The following CAMK1D variants were observed in gnomAD, a reference collection of about 807,000 sequenced individuals.
CAMK1D encodes calcium/calmodulin-dependent protein kinase type 1D.
In CAMK1D, 9 loss-of-function variants were observed where a neutral mutation model predicts 47.7. That is an observed-to-expected ratio of 0.19 (90% CI 0.11 to 0.33). CAMK1D has a LOEUF of 0.33. CAMK1D is among the 10% of genes least tolerant of loss of function. The pLI is 1.00. For missense variants in CAMK1D, 291 were observed against 488.7 expected (o/e 0.60, Z 3.81); for synonymous variants, 184 against 184.9 (o/e 0.99, Z 0.04).
intron 1 of CAMK1D, among the ~76,000 whole-genome samples, chr10:12,520,868 A>C (rs1189774351): frequency 1.7e-5 from 1 of 58,886 alleles, no homozygotes; most frequent in Non-Finnish European, 3.3e-5. Context: ...CAGTGAGCCG[A>C]GATGGCAGCA....
At chr10:12,417,408 G>C (rs887264271) in intron 1 of CAMK1D, among the ~76,000 whole-genome samples, 4 of 152,218 alleles carry the variant, frequency 2.6e-5, no homozygotes, top group African/African-American at 7.2e-5. Flanking sequence ...CTGTGCCAGA[G>C]AAAACAGGTT....
rs185120648 is a variant in CAMK1D at position 12,834,771 on chromosome 10, T to C, written c.*5884T>C. ...GCAGGGGCTCAGAAACCCCAAACTC[T>C]AGTTAAATTGCTTCTCGGAGGAAAA... On this transcript the variant is annotated 3_prime_UTR_variant, in exon 11 of 11. Transcript: ENST00000619168. 8.5e-5 allele frequency: 13 copies of C among 152,322 alleles called. No homozygotes were observed. Among genetic ancestry groups the C allele is most frequent in the African/African-American group, 3.1e-4 (13 of 41,568 alleles). 9.4% of individuals were successfully genotyped at this position (152,322 alleles called of 1,614,324 possible).
intron 3 of CAMK1D, among the ~76,000 whole-genome samples, chr10:12,736,656 C>A (rs1175569891): frequency 2.0e-5 from 3 of 152,168 alleles, no homozygotes; most frequent in Admixed American, 2.0e-4. Context: ...TATGCATTTA[C>A]TGGGATATGT....
At chr10:12,820,171 C>T (rs918132278) in intron 8 of CAMK1D, among the ~76,000 whole-genome samples, 1 of 152,198 alleles carries the variant, frequency 6.6e-6, no homozygotes, top group Non-Finnish European at 1.5e-5. Context: ...TCCCAAGTAG[C>T]TGGGATTGCA....
chr10:12,428,769 G>C (rs1840339536), intron 1 of CAMK1D, among the ~76,000 whole-genome samples: 1 of 152,202 alleles, frequency 6.6e-6, no homozygotes, highest in African/African-American at 2.4e-5. Flanking sequence ...GACGGTGTTA[G>C]GAAGTGGGGC....
intron 1 of CAMK1D, 49 bp from the exon 2 acceptor site, chr10:12,553,176 A>G: frequency 6.2e-7 from 1 of 1,611,316 alleles, no homozygotes; most frequent in East Asian, 2.2e-5. Context: ...AGCCATTGTG[A>G]AACTGGACTT....
intron 1 of CAMK1D, among the ~76,000 whole-genome samples, chr10:12,484,429 C>T (rs1247961825): frequency 3.9e-5 from 6 of 152,224 alleles, no homozygotes; most frequent in African/African-American, 1.4e-4. Flanking sequence ...ACAGGGATCA[C>T]ACAATCGTTC....
intron 2 of CAMK1D, among the ~76,000 whole-genome samples, chr10:12,626,900 G>A (rs1039893145): frequency 2.0e-5 from 3 of 152,154 alleles, no homozygotes; most frequent in South Asian, 2.1e-4. Flanking sequence ...ACAGACACAC[G>A]CAAATACGTG....
At chr10:12,380,933 T>A (rs886252811) in intron 1 of CAMK1D, among the ~76,000 whole-genome samples, 1 of 152,210 alleles carries the variant, frequency 6.6e-6, no homozygotes, top group African/African-American at 2.4e-5. Context: ...AATGATATAA[T>A]TGGCCTAGTC....
chr10:12,796,217 C>G (rs1249160230), intron 6 of CAMK1D, among the ~76,000 whole-genome samples: 1 of 152,148 alleles, frequency 6.6e-6, no homozygotes, highest in East Asian at 1.9e-4. Flanking sequence ...GATTCCCACT[C>G]CCAAATTGGA....
At chr10:12,683,897 A>G (rs922131105) in intron 3 of CAMK1D, among the ~76,000 whole-genome samples, 2 of 152,130 alleles carry the variant, frequency 1.3e-5, no homozygotes, top group Non-Finnish European at 2.9e-5. Context: ...AATGAGACTG[A>G]AAACATTTCA....
intron 1 of CAMK1D, among the ~76,000 whole-genome samples, chr10:12,528,778 G>A (rs943295306): frequency 8.0e-6 from 1 of 124,376 alleles, no homozygotes; most frequent in African/African-American, 3.0e-5. Context: ...GTTCCTTTCT[G>A]TCACCCCGGC....
rs544187423 is a variant in CAMK1D, at chr10:12,557,653, C to T, written c.224+4297C>T. ...CCAAATAGACTGCCTTAAATTCCAACGTCTTTGTTGATTTCCACACTATTT... is the reference window on the plus strand; with the variant it reads ...CCAAATAGACTGCCTTAAATTCCAATGTCTTTGTTGATTTCCACACTATTT... On this transcript the variant is annotated intron_variant, in intron 2 of 10. Transcript: ENST00000619168. 7.3e-4 allele frequency among the ~76,000 whole-genome samples: 111 copies of T among 151,944 alleles called. 1 individual carries two copies. Among genetic ancestry groups the T allele is most frequent in the African/African-American group, 2.4e-3 (101 of 41,406 alleles).
At chr10:12,588,057 G>T (rs891738760) in intron 2 of CAMK1D, among the ~76,000 whole-genome samples, 1 of 152,136 alleles carries the variant, frequency 6.6e-6, no homozygotes, top group African/African-American at 2.4e-5. Context: ...TGAGTTGGTA[G>T]ATCGTAGATA....
At chr10:12,427,698 C>CTGTTTTTTGTTT (rs1187361102) in intron 1 of CAMK1D, among the ~76,000 whole-genome samples, 1 of 27,366 alleles carries the variant, frequency 3.7e-5, no homozygotes, top group Non-Finnish European at 8.3e-5. Context: ...ACTGAACTTA[C>CTGTTTTTTGTTT]TGTTTTTTTT....
chr10:12,815,732 C>T lies in CAMK1D; in HGVS notation c.755-518C>T, dbSNP rs12260792. 6.1e-3 allele frequency among the ~76,000 whole-genome samples: 934 copies of T among 152,384 alleles called. 17 individuals carry two copies. Among genetic ancestry groups the T allele is most frequent in the African/African-American group, 0.021 (892 of 41,596 alleles). On this transcript the variant is annotated intron_variant, in intron 7 of 10. Coordinates refer to ENST00000619168, the MANE Select transcript of CAMK1D (RefSeq NM_153498.4). ...TCCCCCAGCAGGGCACAGCTCACTG[C>T]ATTGCAGTTTTCTGCTCCAGGGTTT...
intron 1 of CAMK1D, among the ~76,000 whole-genome samples, chr10:12,544,818 A>G (rs141419791): frequency 2.6e-5 from 3 of 115,362 alleles, no homozygotes; most frequent in Admixed American, 8.3e-5. Flanking sequence ...TGTTGAGTGG[A>G]TAGTACTAGT....
intron 4 of CAMK1D, among the ~76,000 whole-genome samples, chr10:12,765,826 G>C (rs1453584200): frequency 6.6e-6 from 1 of 152,038 alleles, no homozygotes; most frequent in East Asian, 1.9e-4. Context: ...TTGAGGAGGT[G>C]GTGTCTGACT....
intron 3 of CAMK1D, among the ~76,000 whole-genome samples, chr10:12,750,495 G>A (rs1039441359): frequency 5.3e-5 from 8 of 152,316 alleles, no homozygotes; most frequent in African/African-American, 1.9e-4. Context: ...AGCCAGGTGG[G>A]ACAGCCATTC....
Sources: allele counts gnomAD v4.1 joint callset (sites outside exome capture counted in the v4.1 genomes callset), GRCh38; gene constraint gnomAD v4.1.1; transcripts MANE v1.5; gene names NCBI Gene and HGNC (gene_info 2026-07-23, HGNC 2026-07-21).